Variants in LTBP1 observed in about 807,000 individuals in gnomAD.
The protein encoded by LTBP1 is latent transforming growth factor beta binding protein 1, also known as latent-transforming growth factor beta-binding protein 1.
In LTBP1, 129 loss-of-function variants were observed where a neutral mutation model predicts 207.6. That is an observed-to-expected ratio of 0.62 (90% CI 0.54 to 0.72). The LOEUF (loss-of-function observed/expected upper bound fraction) is 0.72. Ranked by LOEUF, LTBP1 falls within the 30% of genes least tolerant of loss-of-function variation. The probability of loss-of-function intolerance (pLI) is 0.00; values close to 1 mark genes in which losing one functional copy is unlikely to be tolerated. For synonymous variants in LTBP1, 963 were observed against 833.7 expected (o/e 1.16, Z -2.67); for missense variants, 2,281 against 2,217.2 (o/e 1.03, Z -0.58).
chr2:33,097,075 A>T (rs1172479085), intron 3 of LTBP1, among the ~76,000 whole-genome samples: 1 of 152,130 alleles, frequency 6.6e-6, no homozygotes, highest in Non-Finnish European at 1.5e-5. Flanking sequence ...CTATAGAATC[A>T]TATATGCCTA....
intron 5 of LTBP1, among the ~76,000 whole-genome samples, chr2:33,179,469 A>T (rs2086405033): frequency 6.6e-6 from 1 of 152,084 alleles, no homozygotes; most frequent in Non-Finnish European, 1.5e-5. Flanking sequence ...AAAAAAACCA[A>T]AGAGATGCTC....
At chr2:33,243,612 T>A (rs762948148) in intron 9 of LTBP1, 50 bp from the exon 10 acceptor site, 1 of 1,591,616 alleles carries the variant, frequency 6.3e-7, no homozygotes, top group East Asian at 2.3e-5. Flanking sequence ...AGCCAGAATC[T>A]GCTCAATGGG....
intron 2 of LTBP1, among the ~76,000 whole-genome samples, chr2:33,018,433 C>G (rs117431908): frequency 1.3e-5 from 2 of 152,156 alleles, no homozygotes; most frequent in South Asian, 2.1e-4. Context: ...AAACATGTTT[C>G]TAATTGAAAG....
intron 5 of LTBP1, among the ~76,000 whole-genome samples, chr2:33,140,860 G>A (rs932154284): frequency 6.6e-6 from 1 of 151,896 alleles, no homozygotes; most frequent in Non-Finnish European, 1.5e-5. Context: ...GTAGAGACGG[G>A]GTTTCACTAT....
At chr2:32,967,835 AGTT>A (rs1318028753) in intron 2 of LTBP1, among the ~76,000 whole-genome samples, 2 of 152,220 alleles carry the variant, frequency 1.3e-5, no homozygotes, top group Non-Finnish European at 2.9e-5. Flanking sequence ...ATTTTCAGCT[AGTT>A]GATGGTTACG....
chr2:33,097,855 A>G (rs2079478987), intron 3 of LTBP1, among the ~76,000 whole-genome samples: 1 of 152,158 alleles, frequency 6.6e-6, no homozygotes, highest in Non-Finnish European at 1.5e-5. Context: ...TATTGAATGA[A>G]TCTTCTGTTA....
In LTBP1 at chr2:33,321,359, A is replaced by G. The variant is rs74453646; in HGVS notation, c.3730+6090A>G. ...AAATGGAAACCGGTAAAAATTGCCAATGCGTTGACGTGTACTGAAAGTAGT... is the reference window on the plus strand; with the variant it reads ...AAATGGAAACCGGTAAAAATTGCCAGTGCGTTGACGTGTACTGAAAGTAGT... On this transcript the variant is annotated intron_variant, in intron 24 of 33. Coordinates refer to ENST00000404816, the MANE Select transcript of LTBP1 (RefSeq NM_206943.4). Among the ~76,000 whole-genome samples, 297 of 152,340 alleles carry G rather than the reference A, an allele frequency of 1.9e-3. 1 individual carries two copies. Among genetic ancestry groups the G allele is most frequent in the Non-Finnish European group, 2.6e-3 (176 of 68,022 alleles).
intron 7 of LTBP1, among the ~76,000 whole-genome samples, chr2:33,199,024 T>A (rs959469385): frequency 1.3e-5 from 2 of 152,178 alleles, no homozygotes; most frequent in African/African-American, 2.4e-5. Flanking sequence ...CTGCTTTCTC[T>A]TGTGGGCATT....
rs569288683 is a variant in LTBP1, at chr2:33,351,979, T to A, written c.4000+4469T>A. On this transcript the variant is annotated intron_variant, in intron 26 of 33. Coordinates refer to ENST00000404816, the MANE Select transcript of LTBP1 (RefSeq NM_206943.4). ...TATGACATTGCCTGCTAAGTAAATA[T>A]CTTCTGCCCCCACCTCTGTTGTGAG... Among the ~76,000 whole-genome samples the A allele has an allele frequency of 1.5e-3, 234 of 152,346 alleles. 1 individual carries two copies. Among genetic ancestry groups the A allele is most frequent in the Non-Finnish European group, 2.6e-3 (179 of 68,040 alleles).
At chr2:33,360,551 G>T in intron 26 of LTBP1, 46 bp from the exon 27 acceptor site, 4 of 1,296,094 alleles carry the variant, frequency 3.1e-6, no homozygotes, top group Non-Finnish European at 4.5e-6. Flanking sequence ...GTCTTAGGTA[G>T]TTCTGATGTG....
chr2:33,015,540 A>T (rs1262925205), intron 2 of LTBP1, among the ~76,000 whole-genome samples: 1 of 151,400 alleles, frequency 6.6e-6, no homozygotes, highest in Non-Finnish European at 1.5e-5. Context: ...CTAGTTGGCA[A>T]ATAGGAGAGA....
chr2:33,072,169 C>A (rs2077824756), intron 3 of LTBP1, among the ~76,000 whole-genome samples: 1 of 152,188 alleles, frequency 6.6e-6, no homozygotes, highest in African/African-American at 2.4e-5. Flanking sequence ...CTCATGGAAA[C>A]ACAGGTTTAC....
At chr2:33,312,479 T>C (rs1176032676) in intron 23 of LTBP1, among the ~76,000 whole-genome samples, 1 of 152,212 alleles carries the variant, frequency 6.6e-6, no homozygotes, top group Non-Finnish European at 1.5e-5. Flanking sequence ...TTCAGTTTCA[T>C]GTTTTGATTT....
At chr2:33,142,717 T>G (rs1482494319) in intron 5 of LTBP1, among the ~76,000 whole-genome samples, 2 of 151,982 alleles carry the variant, frequency 1.3e-5, no homozygotes, top group Non-Finnish European at 2.9e-5. Context: ...AAATTAAGCT[T>G]AACTAAAAGA....
intron 2 of LTBP1, among the ~76,000 whole-genome samples, chr2:33,011,925 T>C (rs1283638244): frequency 6.6e-6 from 1 of 152,170 alleles, no homozygotes; most frequent in Non-Finnish European, 1.5e-5. Flanking sequence ...CCGTGTGTTA[T>C]TTATTTCTCT....
chr2:33,207,368 G>T (rs1020633793), intron 7 of LTBP1, among the ~76,000 whole-genome samples: 2 of 149,278 alleles, frequency 1.3e-5, no homozygotes, highest in African/African-American at 5.2e-5. Context: ...TACATTTCCA[G>T]CAGTTAAATG....
At chr2:33,249,964 G>A (rs764619907) in intron 10 of LTBP1, among the ~76,000 whole-genome samples, 1 of 152,108 alleles carries the variant, frequency 6.6e-6, no homozygotes, top group African/African-American at 2.4e-5. Flanking sequence ...ATAATCACAT[G>A]TACCATATTT....
intron 3 of LTBP1, among the ~76,000 whole-genome samples, chr2:33,063,897 A>T (rs2077380169): frequency 6.7e-6 from 1 of 150,330 alleles, no homozygotes; most frequent in African/African-American, 2.4e-5. Context: ...TCTGTCGCTC[A>T]GGCTAGAGTG....
chr2:33,308,117 G>A (rs751839637), intron 22 of LTBP1, among the ~76,000 whole-genome samples: 15 of 152,140 alleles, frequency 9.9e-5, no homozygotes, highest in African/African-American at 2.7e-4. Context: ...AGCTTTCTTC[G>A]TTGCTAATAA....
Sources: allele counts gnomAD v4.1 joint callset (sites outside exome capture counted in the v4.1 genomes callset), GRCh38; gene constraint gnomAD v4.1.1; transcripts MANE v1.5; gene names NCBI Gene and HGNC (gene_info 2026-07-23, HGNC 2026-07-21).